The following EBF1 variants were observed in gnomAD, a reference collection of about 807,000 sequenced individuals.
EBF1 encodes transcription factor COE1.
A neutral mutation model predicts 68.4 loss-of-function variants in EBF1; 10 were observed. The observed-to-expected ratio is 0.15, with a 90% confidence interval of 0.09 to 0.25. The LOEUF (loss-of-function observed/expected upper bound fraction) is 0.25. EBF1 is among the 10% of genes least tolerant of loss of function. The pLI is 1.00. For missense variants in EBF1, 509 were observed against 794.4 expected (o/e 0.64, Z 4.32); for synonymous variants, 298 against 299.8 (o/e 0.99, Z 0.06).
At chr5:158,939,054 G>A (rs537617506) in intron 6 of EBF1, among the ~76,000 whole-genome samples, 1 of 152,286 alleles carries the variant, frequency 6.6e-6, no homozygotes, top group African/African-American at 2.4e-5. Flanking sequence ...ATTATTTTCT[G>A]CTGTAATTTC....
At chr5:158,810,233 T>C (rs1433350995) in intron 8 of EBF1, among the ~76,000 whole-genome samples, 1 of 152,166 alleles carries the variant, frequency 6.6e-6, no homozygotes, top group Non-Finnish European at 1.5e-5. Context: ...TATATCCCCC[T>C]CACCCACCAG....
chr5:158,696,322 G>GTCTT lies in EBF1; in HGVS notation c.*2785_*2788dup, dbSNP rs1205297727. 9.1e-6 allele frequency: 2 copies of GTCTT among 220,990 alleles called. No homozygotes were observed. The highest frequency in any genetic ancestry group is 2.2e-5 in the African/African-American group (1 of 44,570). 13.7% of individuals were successfully genotyped at this position (220,990 alleles called of 1,614,324 possible). ...AGAAAGAGGATCAGAGGGCCAGAAT[G>GTCTT]TCTTTTCATCTAATCAATAGAAATA... On this transcript the variant is annotated 3_prime_UTR_variant, in exon 16 of 16. Transcript: ENST00000313708.
At chr5:159,057,519 CGTT>C (rs1226874160) in intron 6 of EBF1, among the ~76,000 whole-genome samples, 1 of 152,166 alleles carries the variant, frequency 6.6e-6, no homozygotes, top group African/African-American at 2.4e-5. Flanking sequence ...AGAAAAGACA[CGTT>C]GTACCCTTCC....
At chr5:159,077,355 G>T (rs1475072020) in intron 5 of EBF1, among the ~76,000 whole-genome samples, 1 of 152,140 alleles carries the variant, frequency 6.6e-6, no homozygotes, top group Non-Finnish European at 1.5e-5. Context: ...AGGAGAATCG[G>T]TTGAACCCGG....
At chr5:159,075,752 A>C (rs1778662277) in intron 5 of EBF1, among the ~76,000 whole-genome samples, 7 of 152,124 alleles carry the variant, frequency 4.6e-5, no homozygotes, top group Admixed American at 4.6e-4. Flanking sequence ...CTTAGAACAA[A>C]TCCATGACAT....
At chr5:158,723,324 G>A (rs1310570479) in intron 11 of EBF1, among the ~76,000 whole-genome samples, 1 of 152,038 alleles carries the variant, frequency 6.6e-6, no homozygotes, top group African/African-American at 2.4e-5. Flanking sequence ...ACTGCTTAGG[G>A]GATATAGGCT....
intron 6 of EBF1, among the ~76,000 whole-genome samples, chr5:159,023,712 C>T (rs1392687406): frequency 6.6e-6 from 1 of 152,224 alleles, no homozygotes; most frequent in Non-Finnish European, 1.5e-5. Flanking sequence ...CCATACCACT[C>T]ACTCTGTTCA....
chr5:158,893,508 T>C (rs1801590330), intron 6 of EBF1, among the ~76,000 whole-genome samples: 1 of 152,220 alleles, frequency 6.6e-6, no homozygotes, highest in Non-Finnish European at 1.5e-5. Context: ...TTGTAAGTTG[T>C]TTAGCCTTTG....
In EBF1 at chr5:158,698,982, A is replaced by G; in HGVS notation, c.*129T>C. The G allele has an allele frequency of 1.2e-6, 1 of 800,600 alleles. No homozygotes were observed. The highest frequency in any genetic ancestry group is 1.9e-6 in the Non-Finnish European group (1 of 536,480). 49.6% of individuals were successfully genotyped at this position (800,600 alleles called of 1,614,324 possible). A position where few individuals can be genotyped will look rare whatever the true frequency, so the allele number is the denominator to read the frequency against. On this transcript the variant is annotated 3_prime_UTR_variant, in exon 16 of 16. Coordinates refer to ENST00000313708, the MANE Select transcript of EBF1 (RefSeq NM_024007.5). Reference sequence around the variant, plus strand: ...AAGGTCGGTGATTTTGTTTGTTTAAAAATCTGCAGTTATTGTGATTCCTCT... The same window carrying G: ...AAGGTCGGTGATTTTGTTTGTTTAAGAATCTGCAGTTATTGTGATTCCTCT...
chr5:158,843,627 C>T (rs1474069176), intron 6 of EBF1, among the ~76,000 whole-genome samples: 1 of 152,174 alleles, frequency 6.6e-6, no homozygotes, highest in Non-Finnish European at 1.5e-5. Context: ...AGGCCTCACA[C>T]AAGCCCTTAT....
chr5:158,803,009 G>T (rs1172736461), intron 8 of EBF1, among the ~76,000 whole-genome samples: 2 of 152,068 alleles, frequency 1.3e-5, no homozygotes, highest in African/African-American at 4.8e-5. Context: ...TGAGTAGGTG[G>T]AACTGGCAAC....
intron 8 of EBF1, among the ~76,000 whole-genome samples, chr5:158,814,588 C>T (rs72810395): frequency 3.3e-4 from 51 of 152,250 alleles, no homozygotes; most frequent in Non-Finnish European, 6.3e-4. Flanking sequence ...ATATCCAAAT[C>T]GGTTTCCCAT....
At chr5:158,972,446 T>A (rs1173329306) in intron 6 of EBF1, among the ~76,000 whole-genome samples, 3 of 152,330 alleles carry the variant, frequency 2.0e-5, no homozygotes, top group East Asian at 3.9e-4. Flanking sequence ...TCTTTATGAA[T>A]CATGATCGGC....
chr5:158,757,277 T>C (rs745555098), intron 10 of EBF1, among the ~76,000 whole-genome samples: 5 of 152,172 alleles, frequency 3.3e-5, no homozygotes, highest in Admixed American at 6.6e-5. Flanking sequence ...AATACCACCC[T>C]GTTTCCCTTG....
chr5:159,007,186 A>T (rs1160669764), intron 6 of EBF1, among the ~76,000 whole-genome samples: 1 of 152,190 alleles, frequency 6.6e-6, no homozygotes, highest in Non-Finnish European at 1.5e-5. Flanking sequence ...AAAGAATGTC[A>T]TCTAATGTCT....
intron 6 of EBF1, among the ~76,000 whole-genome samples, chr5:159,022,186 C>A (rs986103969): frequency 2.0e-5 from 3 of 152,040 alleles, no homozygotes; most frequent in Non-Finnish European, 2.9e-5. Context: ...AACTTGTTAG[C>A]AGCCATCTCT....
At chr5:158,902,531 A>G (rs1415035952) in intron 6 of EBF1, among the ~76,000 whole-genome samples, 1 of 151,008 alleles carries the variant, frequency 6.6e-6, no homozygotes, top group Non-Finnish European at 1.5e-5. Flanking sequence ...GGATCAAGCA[A>G]TCTTCCTGCC....
chr5:158,924,036 A>G (rs1198276006), intron 6 of EBF1, among the ~76,000 whole-genome samples: 4 of 152,188 alleles, frequency 2.6e-5, no homozygotes, highest in Non-Finnish European at 5.9e-5. Flanking sequence ...CAGATGTGTT[A>G]TTCACAAAAC....
chr5:159,098,772 G>A (rs1783104022), intron 1 of EBF1, among the ~76,000 whole-genome samples: 1 of 130,516 alleles, frequency 7.7e-6, no homozygotes, highest in Non-Finnish European at 1.6e-5. Context: ...GAAAGGAAGA[G>A]GAAGGAGAAG....
Sources: gnomAD v4.1 joint callset for allele counts (sites outside exome capture counted in the v4.1 genomes callset) on GRCh38, gnomAD v4.1.1 for gene constraint, MANE v1.5 for transcripts, NCBI Gene and HGNC (gene_info 2026-07-23, HGNC 2026-07-21) for gene names.